Variants in DLGAP1 observed in about 807,000 individuals in gnomAD.
The protein encoded by DLGAP1 is disks large-associated protein 1.
DLGAP1 carries 11 observed loss-of-function variants against 90.8 expected under a neutral mutation model. The observed-to-expected ratio is 0.12, with a 90% CI of 0.08 to 0.20. DLGAP1 has a LOEUF of 0.20. DLGAP1 is among the 10% of genes least tolerant of loss of function. DLGAP1 has a pLI of 1.00. For missense variants in DLGAP1, 1,050 were observed against 1,333.8 expected, an observed-to-expected ratio of 0.79 and a Z score of 3.31; for synonymous variants, 558 against 540.7, an observed-to-expected ratio of 1.03 and a Z score of -0.44.
At chr18:4,269,233 A>G (rs1453923140) in intron 1 of DLGAP1, among the ~76,000 whole-genome samples, 1 of 150,912 alleles carries the variant, frequency 6.6e-6, no homozygotes, top group African/African-American at 2.4e-5. Flanking sequence ...TTCATGTAAT[A>G]TTGACTACAA....
At chr18:4,251,359 C>T (rs1421197332) in intron 1 of DLGAP1, among the ~76,000 whole-genome samples, 5 of 152,166 alleles carry the variant, frequency 3.3e-5, no homozygotes, top group Admixed American at 3.3e-4. Flanking sequence ...GATGGAAGCA[C>T]CAGGGTCAGA....
At chr18:3,607,022 T>A (rs1230330406) in intron 7 of DLGAP1, 2 of 151,400 alleles carry the variant, frequency 1.3e-5, no homozygotes, top group African/African-American at 4.9e-5. Flanking sequence ...AGAGAAGGGG[T>A]TTCGCCAAGC....
chr18:3,560,710 C>T (rs2054040542), intron 9 of DLGAP1, among the ~76,000 whole-genome samples: 1 of 150,668 alleles, frequency 6.6e-6, no homozygotes, highest in African/African-American at 2.5e-5. Context: ...GGATTAACAT[C>T]TACCATATTT....
chr18:3,773,509 T>C (rs1411571159), intron 5 of DLGAP1, among the ~76,000 whole-genome samples: 2 of 152,242 alleles, frequency 1.3e-5, no homozygotes, highest in African/African-American at 2.4e-5. Context: ...TTGTTATTCA[T>C]GCAAGAATTG....
intron 3 of DLGAP1, chr18:3,962,468 A>AC (rs1260855880): frequency 6.6e-6 from 1 of 152,162 alleles, no homozygotes; most frequent in Non-Finnish European, 1.5e-5. Context: ...GCAGCCTGGA[A>AC]CCTTTATATA....
intron 2 of DLGAP1, among the ~76,000 whole-genome samples, chr18:4,134,180 C>T (rs147496205): frequency 1.3e-5 from 2 of 152,188 alleles, no homozygotes; most frequent in East Asian, 3.9e-4. Context: ...ATTATTAATA[C>T]TTTTAGCCTT....
At chr18:4,049,008 C>T (rs1769067628) in intron 2 of DLGAP1, among the ~76,000 whole-genome samples, 1 of 152,116 alleles carries the variant, frequency 6.6e-6, no homozygotes, top group Non-Finnish European at 1.5e-5. Context: ...AGGCAGATCG[C>T]TTGAGGTCAG....
At chr18:4,099,039 C>T (rs927756238) in intron 2 of DLGAP1, among the ~76,000 whole-genome samples, 2 of 152,266 alleles carry the variant, frequency 1.3e-5, no homozygotes, top group African/African-American at 4.8e-5. Context: ...TTCCTCTAAG[C>T]TGCATTTCCC....
At chr18:3,700,590 C>CATTTT (rs1273074094) in intron 7 of DLGAP1, among the ~76,000 whole-genome samples, 1 of 148,352 alleles carries the variant, frequency 6.7e-6, no homozygotes, top group African/African-American at 2.6e-5. Flanking sequence ...AGCCACCTAG[C>CATTTT]ATTTTATTTT....
intron 1 of DLGAP1, among the ~76,000 whole-genome samples, chr18:4,153,258 C>T (rs959590060): frequency 1.3e-5 from 2 of 152,080 alleles, no homozygotes; most frequent in Non-Finnish European, 2.9e-5. Context: ...CATGCAAGAT[C>T]GTTTAAATCA....
intron 1 of DLGAP1, among the ~76,000 whole-genome samples, chr18:4,390,718 G>A (rs542864522): frequency 6.6e-6 from 1 of 152,202 alleles, no homozygotes; most frequent in East Asian, 1.9e-4. Context: ...TCCACTGTCT[G>A]GATGTACCAC....
In DLGAP1 at chr18:3,534,496, A is replaced by G. The variant is rs765242298; in HGVS notation, c.2177T>C (p.Met726Thr). The G allele has an allele frequency of 8.1e-6, 13 of 1,614,086 alleles. No individual in the cohort carries two copies. The Middle Eastern group carries it at 9.9e-4, about 122-fold the overall frequency. The change falls in exon 10 of 13, where the codon ATG becomes ACG. Residue 726 changes from methionine (M) to threonine (T), a missense_variant. Physicochemically the swap from Met to Thr is moderately conservative, Grantham distance 81 (BLOSUM62 -1). Coordinates refer to ENST00000315677, the MANE Select transcript of DLGAP1 (RefSeq NM_004746.4). Reference sequence around the variant, plus strand: ...GGCATCGCGGGAGAACTGTCTGGCCATGGGGCCAGGACACGAATTGTCCTC... The same window carrying G: ...GGCATCGCGGGAGAACTGTCTGGCCGTGGGGCCAGGACACGAATTGTCCTC... ...SIEDNSCPGP[M>T]ARQFSRDAST...
intron 2 of DLGAP1, among the ~76,000 whole-genome samples, chr18:4,143,265 G>C (rs2076525958): frequency 6.6e-6 from 1 of 152,020 alleles, no homozygotes; most frequent in Admixed American, 6.5e-5. Context: ...CCAGGGCCTG[G>C]AGTCAGATAC....
rs550343402 is a variant in DLGAP1, at chr18:3,522,981, T to C, written c.2479+11213A>G. Among the ~76,000 whole-genome samples, 6 of 152,240 alleles carry C rather than the reference T, an allele frequency of 3.9e-5. No individual in the cohort carries two copies. The South Asian group carries it at 1.2e-3, about 32-fold the overall frequency. On this transcript the variant is annotated intron_variant, in intron 10 of 12. Coordinates refer to ENST00000315677, the MANE Select transcript of DLGAP1 (RefSeq NM_004746.4). The stretch of plus-strand genomic sequence containing the variant: ...CTCAACATTAGCCTTGGCAATAATG[T>C]TTTGGATATCACAACAAAAGATCAG...
chr18:3,719,427 G>A (rs1168636793), intron 7 of DLGAP1, among the ~76,000 whole-genome samples: 12 of 151,400 alleles, frequency 7.9e-5, no homozygotes, highest in African/African-American at 1.7e-4. Context: ...GTGTGGTGGC[G>A]GGCACCTGTA....
intron 6 of DLGAP1, among the ~76,000 whole-genome samples, chr18:3,738,962 G>A (rs373994825): frequency 9.3e-5 from 14 of 150,022 alleles, no homozygotes; most frequent in East Asian, 3.9e-4. Context: ...AAAAGTGGGC[G>A]AAGGACATGA....
chr18:3,811,452 C>T (rs959772670), intron 5 of DLGAP1, among the ~76,000 whole-genome samples: 1 of 152,178 alleles, frequency 6.6e-6, no homozygotes, highest in Non-Finnish European at 1.5e-5. Context: ...CTCTTTCCTG[C>T]CAAAGAACAG....
intron 5 of DLGAP1, among the ~76,000 whole-genome samples, chr18:3,770,290 G>A (rs2064466789): frequency 6.6e-6 from 1 of 152,104 alleles, no homozygotes; most frequent in Admixed American, 6.5e-5. Flanking sequence ...AAGGCAGGCA[G>A]GAGAAGGGAG....
At chr18:4,162,749 G>T (rs2076867787) in intron 1 of DLGAP1, among the ~76,000 whole-genome samples, 1 of 152,072 alleles carries the variant, frequency 6.6e-6, no homozygotes, top group Non-Finnish European at 1.5e-5. Flanking sequence ...TGGTCACAAG[G>T]TGTGGTGACA....
Sources: allele counts gnomAD v4.1 joint callset (sites outside exome capture counted in the v4.1 genomes callset), GRCh38; gene constraint gnomAD v4.1.1; transcripts MANE v1.5; gene names NCBI Gene and HGNC (gene_info 2026-07-23, HGNC 2026-07-21).